IRAK3: variants seen among roughly 807,000 people sequenced by gnomAD.
IRAK3 encodes interleukin 1 receptor associated kinase 3, also known as interleukin-1 receptor-associated kinase 3.
IRAK3 carries 57 observed loss-of-function variants against 56.6 expected under a neutral mutation model. The observed-to-expected ratio is 1.01, with a 90% CI of 0.81 to 1.26. IRAK3 has a LOEUF of 1.26. Ranked by LOEUF, IRAK3 falls within the 50% of genes most tolerant of loss-of-function variation. The pLI, the probability that IRAK3 is intolerant of heterozygous loss-of-function variation, is 0.00. For missense variants in IRAK3, 703 were observed against 719.0 expected, an observed-to-expected ratio of 0.98 and a Z score of 0.25; for synonymous variants, 258 against 255.7, an observed-to-expected ratio of 1.01 and a Z score of -0.09.
chr12:66,197,438 A>T, intron 1 of IRAK3: 1 of 984,672 alleles, frequency 1.0e-6, no homozygotes, highest in Non-Finnish European at 1.2e-6. Context: ...ATTTTATAGA[A>T]TTGGATCTAA....
chr12:66,246,745 T>G (rs994526359), intron 11 of IRAK3, among the ~76,000 whole-genome samples: 3 of 152,234 alleles, frequency 2.0e-5, no homozygotes, highest in African/African-American at 7.2e-5. Flanking sequence ...TGAAAGCACT[T>G]TGTAAACTGT....
At chr12:66,211,931 T>G (rs1039947626) in intron 5 of IRAK3, among the ~76,000 whole-genome samples, 2 of 151,948 alleles carry the variant, frequency 1.3e-5, no homozygotes, top group Non-Finnish European at 2.9e-5. Flanking sequence ...ATCAACAGGG[T>G]GAAACCCTGT....
chr12:66,211,123 G>T (rs1159991126), intron 4 of IRAK3, among the ~76,000 whole-genome samples: 3 of 152,082 alleles, frequency 2.0e-5, no homozygotes, highest in Non-Finnish European at 2.9e-5. Flanking sequence ...GTTCATAGTG[G>T]GTCAACAGCA....
chr12:66,231,189 T>C (rs963963153), intron 8 of IRAK3, among the ~76,000 whole-genome samples: 4 of 152,080 alleles, frequency 2.6e-5, no homozygotes, highest in African/African-American at 9.7e-5. Flanking sequence ...CTGACTAAGC[T>C]CTAGTTTAAG....
intron 5 of IRAK3, among the ~76,000 whole-genome samples, chr12:66,212,613 A>T (rs2052623578): frequency 6.6e-6 from 1 of 152,248 alleles, no homozygotes. Context: ...AAAACAAAAG[A>T]TTAAACTGTT....
chr12:66,200,712 G>A (rs1170397821), intron 1 of IRAK3, among the ~76,000 whole-genome samples: 1 of 152,116 alleles, frequency 6.6e-6, no homozygotes, highest in East Asian at 1.9e-4. Context: ...CCATATTAAG[G>A]CAGAAGATAT....
At chr12:66,198,565 T>A (rs2052476968) in intron 1 of IRAK3, among the ~76,000 whole-genome samples, 1 of 152,156 alleles carries the variant, frequency 6.6e-6, no homozygotes, top group Non-Finnish European at 1.5e-5. Context: ...TTTTCTCCCT[T>A]CAGTCTTGTT....
At chr12:66,199,658 T>A (rs1238194228) in intron 1 of IRAK3, among the ~76,000 whole-genome samples, 1 of 152,178 alleles carries the variant, frequency 6.6e-6, no homozygotes, top group African/African-American at 2.4e-5. Flanking sequence ...CAAACCACAC[T>A]TAGTGCATAC....
chr12:66,233,932 G>A lies in IRAK3; in HGVS notation c.887+5562G>A. On this transcript the variant is annotated intron_variant, in intron 8 of 11. Coordinates refer to ENST00000261233, the MANE Select transcript of IRAK3 (RefSeq NM_007199.3). Reference sequence around the variant, plus strand: ...ACTTATAGCAAAAATAGTTTTAGTTGATTTCGTTATAAATAACGTTTTCAA... The same window carrying A: ...ACTTATAGCAAAAATAGTTTTAGTTAATTTCGTTATAAATAACGTTTTCAA... The A allele has an allele frequency of 4.1e-6, 4 of 973,870 alleles. 1 individual carries two copies. In the South Asian group the frequency reaches 6.6e-5, roughly 16 times the overall value. 60.3% of individuals were successfully genotyped at this position (973,870 alleles called of 1,614,324 possible).
At chr12:66,200,107 T>C (rs1490709056) in intron 1 of IRAK3, among the ~76,000 whole-genome samples, 2 of 152,372 alleles carry the variant, frequency 1.3e-5, no homozygotes, top group East Asian at 3.9e-4. Flanking sequence ...GTCTCAACTT[T>C]ATCTTCTCTT....
chr12:66,205,462 G>A (rs2052549473), intron 2 of IRAK3, among the ~76,000 whole-genome samples: 1 of 152,182 alleles, frequency 6.6e-6, no homozygotes, highest in African/African-American at 2.4e-5. Flanking sequence ...GTAATTGATT[G>A]AGTTGATGTT....
intron 8 of IRAK3, among the ~76,000 whole-genome samples, chr12:66,241,241 CTG>C (rs1342228505): frequency 7.2e-5 from 11 of 152,104 alleles, no homozygotes. Flanking sequence ...GATGGCCTCT[CTG>C]TTAAGGTAAA....
chr12:66,219,183 G>T (rs1000370917), intron 6 of IRAK3, among the ~76,000 whole-genome samples: 1 of 152,148 alleles, frequency 6.6e-6, no homozygotes, highest in Non-Finnish European at 1.5e-5. Flanking sequence ...ATCTCTTTGA[G>T]ATACTGATTT....
At position 66,211,447 on chromosome 12, in the gene IRAK3, A is replaced by C. The variant is rs374282745; in HGVS notation, c.438A>C (p.Gly146=). ...CTTCCCCCTACTTTCCTTCCTAAGG[A>C]ATACTGCTTAAATCTTCCATCAGCT... ...NVLIPEHNEK[G]ILLKSSISFQ... is the part of the protein sequence containing the mutation. The change falls in exon 5 of 12, where the codon GGA becomes GGC. Residue 146 remains glycine, a splice_region_variant and synonymous_variant. Coordinates refer to ENST00000261233, the MANE Select transcript of IRAK3 (RefSeq NM_007199.3). The C allele has an allele frequency of 2.5e-5, 39 of 1,589,238 alleles. No individual in the cohort carries two copies. Among genetic ancestry groups the C allele is most frequent in the Non-Finnish European group, 3.2e-5 (37 of 1,157,340 alleles).
At chr12:66,219,577 C>A (rs572647284) in intron 6 of IRAK3, among the ~76,000 whole-genome samples, 1 of 152,218 alleles carries the variant, frequency 6.6e-6, no homozygotes, top group African/African-American at 2.4e-5. Context: ...TAATACATAC[C>A]CAGAAGTGAG....
intron 6 of IRAK3, among the ~76,000 whole-genome samples, chr12:66,222,350 G>C (rs546132786): frequency 2.0e-5 from 3 of 151,670 alleles, no homozygotes; most frequent in East Asian, 1.9e-4. Context: ...CAATCTCCTT[G>C]GTTGTTATTG....
At position 66,252,516 on chromosome 12, in the gene IRAK3, C is replaced by T. The variant is rs926675420; in HGVS notation, c.*4345C>T. On this transcript the variant is annotated 3_prime_UTR_variant, in exon 12 of 12. Transcript: ENST00000261233. ...CTGCTACAGGCACCCACTGCAGTTA[C>T]TTGATATGAGTTAAATGAATCCATC... is the stretch of plus-strand genomic sequence containing the variant. The T allele has an allele frequency of 2.0e-5, 3 of 152,242 alleles. No individual in the cohort carries two copies. Among genetic ancestry groups the T allele is most frequent in the Non-Finnish European group, 2.9e-5 (2 of 68,068 alleles). 9.4% of individuals were successfully genotyped at this position (152,242 alleles called of 1,614,324 possible). A position where few individuals can be genotyped will look rare whatever the true frequency, so the allele number is the denominator to read the frequency against.
At chr12:66,222,655 T>C (rs2052746061) in intron 6 of IRAK3, among the ~76,000 whole-genome samples, 1 of 152,190 alleles carries the variant, frequency 6.6e-6, no homozygotes, top group Admixed American at 6.5e-5. Context: ...AAGTAGCTTA[T>C]AATATTCCTT....
At chr12:66,243,914 T>C (rs2052999033) in intron 8 of IRAK3, among the ~76,000 whole-genome samples, 1 of 152,204 alleles carries the variant, frequency 6.6e-6, no homozygotes, top group African/African-American at 2.4e-5. Context: ...TTATATTGAC[T>C]ATAAGCACTT....
Sources: allele counts gnomAD v4.1 joint callset (sites outside exome capture counted in the v4.1 genomes callset), GRCh38; gene constraint gnomAD v4.1.1; transcripts MANE v1.5; gene names NCBI Gene and HGNC (gene_info 2026-07-23, HGNC 2026-07-21).